QNG1: variants seen among roughly 807,000 people sequenced by gnomAD.
QNG1 encodes queuosine 5'-phosphate N-glycosylase/hydrolase.
At chr9:83,953,726 C>T in the QNG1 span, 16 of 1,179,902 alleles carry the variant, frequency 1.4e-5, no homozygotes, top group Middle Eastern at 1.9e-4. Context: ...GGCGTAATCT[C>T]GGCTCACTGC....
At chr9:83,944,923 C>T in the QNG1 span, 1 of 1,614,040 alleles carries the variant, frequency 6.2e-7, no homozygotes. Context: ...TCTCCTTTTC[C>T]TTCCAATACA....
At chr9:83,951,992 A>G in the QNG1 span, among the ~76,000 whole-genome samples, 1 of 152,230 alleles carries the variant, frequency 6.6e-6, no homozygotes, top group South Asian at 2.1e-4. Flanking sequence ...GTTTATTTTT[A>G]TTTATTTATT....
the QNG1 span, among the ~76,000 whole-genome samples, chr9:83,951,307 T>A: frequency 6.6e-6 from 1 of 151,818 alleles, no homozygotes; most frequent in South Asian, 2.1e-4. Context: ...ACGCCTGTAA[T>A]CCCAACACTT....
chr9:83,953,880 G>A, the QNG1 span: 4,146 of 1,289,744 alleles, frequency 3.2e-3, 104 homozygotes, highest in African/African-American at 0.052. Context: ...TATATATACA[G>A]TACACTGAAC....
the QNG1 span, among the ~76,000 whole-genome samples, chr9:83,949,940 A>G: frequency 6.6e-6 from 1 of 150,994 alleles, no homozygotes; most frequent in Non-Finnish European, 1.5e-5. Flanking sequence ...ACTAGTATAT[A>G]TAAAGAATAG....
At chr9:83,943,376 T>C in the QNG1 span, among the ~76,000 whole-genome samples, 890 of 141,524 alleles carry the variant, frequency 6.3e-3, 10 homozygotes, top group African/African-American at 0.022. Context: ...CACTGGACGA[T>C]GGAAACCACG....
At chr9:83,945,033 G>T in the QNG1 span, 2 of 1,406,630 alleles carry the variant, frequency 1.4e-6, no homozygotes, top group African/African-American at 1.5e-5. Context: ...GTATCTGAAA[G>T]CTTTATATAT....
At chr9:83,944,744 C>T in the QNG1 span, 7 of 1,409,318 alleles carry the variant, frequency 5.0e-6, no homozygotes, top group South Asian at 2.6e-5. Context: ...GAAACTAAAC[C>T]GAGATCCAAC....
the QNG1 span, among the ~76,000 whole-genome samples, chr9:83,942,495 G>A: frequency 1.3e-5 from 2 of 152,158 alleles, no homozygotes; most frequent in Admixed American, 1.3e-4. Flanking sequence ...GGGGAGAAGG[G>A]AAAGAATATA....
the QNG1 span, among the ~76,000 whole-genome samples, chr9:83,940,502 C>T: frequency 3.3e-5 from 5 of 152,128 alleles, no homozygotes; most frequent in African/African-American, 1.2e-4. Context: ...GCAAGGTAGG[C>T]ACTGGCTGTG....
At chr9:83,956,619 G>T in the QNG1 span, 3 of 793,574 alleles carry the variant, frequency 3.8e-6, no homozygotes, top group Middle Eastern at 3.1e-4. Flanking sequence ...GTCCCGCCCT[G>T]CCAGGGAGTG....
chr9:83,939,685 C>A, the QNG1 span: 1 of 1,614,178 alleles, frequency 6.2e-7, no homozygotes, highest in Middle Eastern at 1.6e-4. Context: ...GCTCAACACA[C>A]CAAAGCGAGC....
chr9:83,945,439 A>C, the QNG1 span, among the ~76,000 whole-genome samples: 2 of 152,066 alleles, frequency 1.3e-5, no homozygotes, highest in Non-Finnish European at 2.9e-5. Context: ...TTTTACAAGA[A>C]ACAAAAGGAT....
chr9:83,945,821 C>G, the QNG1 span, among the ~76,000 whole-genome samples: 1 of 152,074 alleles, frequency 6.6e-6, no homozygotes, highest in East Asian at 1.9e-4. Flanking sequence ...CCGGGATGGT[C>G]TCGATCTCCT....
chr9:83,948,684 C>T, the QNG1 span, among the ~76,000 whole-genome samples: 2 of 152,174 alleles, frequency 1.3e-5, no homozygotes, highest in Non-Finnish European at 2.9e-5. Context: ...AAAGAGGGAT[C>T]GGATTGTTAC....
the QNG1 span, chr9:83,956,868 T>C: frequency 1.5e-5 from 3 of 204,408 alleles, no homozygotes; most frequent in Admixed American, 5.5e-5. Flanking sequence ...GGGAGGTGCA[T>C]GGCTTTGCCA....
the QNG1 span, among the ~76,000 whole-genome samples, chr9:83,945,698 T>C: frequency 5.3e-5 from 8 of 151,926 alleles, no homozygotes; most frequent in Admixed American, 4.6e-4. Flanking sequence ...GCCTCCTGGG[T>C]TCACGCCATT....
the QNG1 span, among the ~76,000 whole-genome samples, chr9:83,943,565 T>C: frequency 2.0e-5 from 3 of 151,982 alleles, no homozygotes; most frequent in Non-Finnish European, 2.9e-5. Flanking sequence ...CTTTTTCAAA[T>C]GAGGAAATGG....
chr9:83,949,032 T>G, the QNG1 span, among the ~76,000 whole-genome samples: 2 of 120,014 alleles, frequency 1.7e-5, no homozygotes, highest in Admixed American at 1.5e-4. Context: ...TTCCCTCCAC[T>G]ATTGTCGATG....
Sources: gnomAD v4.1 joint callset for allele counts (sites outside exome capture counted in the v4.1 genomes callset) on GRCh38, gnomAD v4.1.1 for gene constraint, MANE v1.5 for transcripts, NCBI Gene and HGNC (gene_info 2026-07-23, HGNC 2026-07-21) for gene names.